The following SMG9 variants were observed in gnomAD, a reference collection of about 807,000 sequenced individuals.
SMG9 encodes the protein SMG9 nonsense mediated mRNA decay factor, also known as nonsense-mediated mRNA decay factor SMG9.
SMG9 carries 55 observed loss-of-function variants against 64.0 expected under a neutral mutation model. The ratio of observed to expected loss-of-function variants is 0.86; its 90% CI spans 0.69 to 1.08. The LOEUF is 1.08. Ranked by LOEUF, SMG9 falls within the 50% of genes least tolerant of loss-of-function variation. The probability of loss-of-function intolerance (pLI) is 0.00; values close to 1 mark genes in which losing one functional copy is unlikely to be tolerated. For missense variants in SMG9, 554 were observed against 681.3 expected (o/e 0.81, Z 2.08); for synonymous variants, 244 against 254.8 (o/e 0.96, Z 0.41).
At position 43,747,489 on chromosome 19, in the gene SMG9, T is replaced by G; in HGVS notation, c.541A>C (p.Ile181Leu). 1 of 1,614,160 alleles carries G rather than the reference T, an allele frequency of 6.2e-7. No individual in the cohort carries two copies. The highest frequency in any genetic ancestry group is 8.5e-7 in the Non-Finnish European group (1 of 1,180,038). The change falls in exon 5 of 14, where the codon ATC (isoleucine) becomes CTC (leucine). Residue 181 changes from isoleucine (I) to leucine (L), a missense_variant. Ile to Leu is a conservative substitution (Grantham distance 5). Transcript: ENST00000270066. The stretch of plus-strand genomic sequence containing the variant: ...TTCATCTGGTCATCCACCAACTTGA[T>G]GCTGTGCTTCATGCGCTCTGGGGGC... ...LLPPERMKHS[I>L]KLVDDQMNWC...
intron 6 of SMG9, among the ~76,000 whole-genome samples, chr19:43,741,845 T>C (rs1442831651): frequency 6.6e-6 from 1 of 151,932 alleles, no homozygotes; most frequent in Non-Finnish European, 1.5e-5. Context: ...ACCTCATCTC[T>C]ACAAAAAATA....
intron 1 of SMG9, among the ~76,000 whole-genome samples, chr19:43,752,343 G>C (rs1468933266): frequency 6.6e-6 from 1 of 152,242 alleles, no homozygotes; most frequent in South Asian, 2.1e-4. Flanking sequence ...CATCAGTCTA[G>C]GGTGGTATTT....
intron 6 of SMG9, among the ~76,000 whole-genome samples, chr19:43,743,933 T>C (rs951504677): frequency 1.3e-5 from 2 of 152,234 alleles, no homozygotes; most frequent in African/African-American, 4.8e-5. Flanking sequence ...AACTTCAACA[T>C]GTCTCTGTTC....
intron 8 of SMG9, 114 bp from the exon 9 acceptor site, chr19:43,737,796 G>A: frequency 6.2e-6 from 6 of 967,126 alleles, no homozygotes; most frequent in Non-Finnish European, 9.5e-6. Flanking sequence ...CCTTCAAGCA[G>A]CTACTGTGTG....
Position 43,747,747 on chromosome 19 carries a change from G to C in SMG9, c.376C>G (p.Pro126Ala), listed in dbSNP as rs753092840. 1.2e-6 allele frequency: 2 copies of C among 1,610,290 alleles called. No homozygotes were observed. The highest frequency in any genetic ancestry group is 2.7e-5 in the African/African-American group (2 of 75,036). Residue 126 changes from proline (P) to alanine (A), a missense_variant, in exon 4 of 14, where the codon CCC (proline) becomes GCC (alanine). Transcript: ENST00000270066. ...TTGGGTGGCGCAGGGGCTGCAGGGG[G>C]TGGTGGGGCGGTGCCCTCAGGGGTA... is the stretch of plus-strand genomic sequence containing the variant. Reference protein sequence around the residue: ...ASTPEGTAPPPPAAPAPPKGE... With the variant: ...ASTPEGTAPPAPAAPAPPKGE...
chr19:43,734,361 C>A (rs1422432374), intron 10 of SMG9, 28 bp downstream of exon 10: 1 of 1,524,564 alleles, frequency 6.6e-7, no homozygotes, highest in African/African-American at 1.4e-5. Context: ...CTCCTGCCCA[C>A]CCCTCCAGTC....
chr19:43,736,233 T>TAC (rs1163067797), intron 9 of SMG9, among the ~76,000 whole-genome samples: 2 of 152,206 alleles, frequency 1.3e-5, no homozygotes, highest in East Asian at 3.8e-4. Context: ...TCACTGAATC[T>TAC]ACACAACATA....
At chr19:43,737,737 A>G in intron 8 of SMG9, 55 bp from the exon 9 acceptor site, 2 of 1,565,436 alleles carry the variant, frequency 1.3e-6, no homozygotes, top group Non-Finnish European at 1.8e-6. Context: ...CAGACTAATC[A>G]GGAGTCCCTG....
rs1182056582 is a variant in SMG9, at chr19:43,754,678, C to G, written c.-31G>C. 3 of 152,060 alleles carry G rather than the reference C, an allele frequency of 2.0e-5. No homozygotes were observed. Among genetic ancestry groups the G allele is most frequent in the Non-Finnish European group, 4.4e-5 (3 of 67,984 alleles). 9.4% of individuals were successfully genotyped at this position (152,060 alleles called of 1,614,324 possible). A position where few individuals can be genotyped will look rare whatever the true frequency, so the allele number is the denominator to read the frequency against. On this transcript the variant is annotated 5_prime_UTR_variant, in exon 1 of 14. Coordinates refer to ENST00000270066, the MANE Select transcript of SMG9 (RefSeq NM_019108.4). ...CCTAACGCGGCTGCTGATTGGTTCT[C>G]GGGGCGCGGTGTGCGCTCTCCCGTG...
rs1465300142 is a variant in SMG9 at position 43,750,622 on chromosome 19, G to GTCCC, written c.116_119dup (p.Asp40GlufsTer82). 3.1e-6 allele frequency: 5 copies of GTCCC among 1,613,698 alleles called. No individual in the cohort carries two copies. Among genetic ancestry groups the GTCCC allele is most frequent in the Non-Finnish European group, 4.2e-6 (5 of 1,179,876 alleles). ...TCTCTCTTTCCCATGGTGCAATGTA[G>GTCCC]TCCCTCTCCCGACCACCAGGCCCAG... On this transcript the variant is annotated frameshift_variant, in exon 2 of 14. Transcript: ENST00000270066. LOFTEE classifies it high-confidence loss of function.
chr19:43,735,603 A>G (rs1968634871), intron 9 of SMG9, among the ~76,000 whole-genome samples: 1 of 125,552 alleles, frequency 8.0e-6, no homozygotes, highest in Admixed American at 9.1e-5. Context: ...TAACAGAGTG[A>G]GACTCTGTCT....
In SMG9 at chr19:43,729,964, G is replaced by A. The variant is rs1220191778; in HGVS notation, c.*1632C>T. ...TGGGCCTCCTGTCTCCCAGGCCTCAGCCCTCTGTAGAGACTGGCATTCTAT... is the reference window on the plus strand; with the variant it reads ...TGGGCCTCCTGTCTCCCAGGCCTCAACCCTCTGTAGAGACTGGCATTCTAT... On this transcript the variant is annotated 3_prime_UTR_variant, in exon 14 of 14. Transcript: ENST00000270066. 2 of 152,266 alleles carry A rather than the reference G, an allele frequency of 1.3e-5. No individual in the cohort carries two copies. Among genetic ancestry groups the A allele is most frequent in the African/African-American group, 2.4e-5 (1 of 41,458 alleles). 9.4% of individuals were successfully genotyped at this position (152,266 alleles called of 1,614,324 possible). A position where few individuals can be genotyped will look rare whatever the true frequency, so the allele number is the denominator to read the frequency against.
At chr19:43,732,691 T>C (rs577688328) in intron 13 of SMG9, 167 bp downstream of exon 13, 3 of 757,312 alleles carry the variant, frequency 4.0e-6, no homozygotes, top group African/African-American at 1.8e-5. Flanking sequence ...TGTTGCCACA[T>C]GGGTGAGATG....
In SMG9 at chr19:43,750,761, G is replaced by A. The variant is rs903337010; in HGVS notation, c.-6-14C>T. ...AGACATGGTTACCTATGGAGGGAATGAGGGGATTTCAGGATGACAGAGTCT... is the reference window on the plus strand; with the variant it reads ...AGACATGGTTACCTATGGAGGGAATAAGGGGATTTCAGGATGACAGAGTCT... On this transcript the variant is annotated splice_polypyrimidine_tract_variant and intron_variant, in intron 1 of 13. Transcript: ENST00000270066. 4.4e-6 allele frequency: 7 copies of A among 1,596,532 alleles called. No homozygotes were observed. In the African/African-American group the frequency reaches 6.7e-5, roughly 15 times the overall value.
Position 43,733,734 on chromosome 19 carries a change from C to CT in SMG9, c.1103-2dup. ...CGGCGAGCTTTGTTCTGCAAGAAGA[C>CT]TGAGGGTGGGAAGAGACGGGCCCTG... On this transcript the variant is annotated splice_acceptor_variant, in intron 10 of 13. Coordinates refer to ENST00000270066, the MANE Select transcript of SMG9 (RefSeq NM_019108.4). LOFTEE classifies it high-confidence loss of function. 1 of 1,613,790 alleles carries CT rather than the reference C, an allele frequency of 6.2e-7. No homozygotes were observed. Among genetic ancestry groups the CT allele is most frequent in the Non-Finnish European group, 8.5e-7 (1 of 1,179,772 alleles).
chr19:43,735,583 C>T lies in SMG9; in HGVS notation c.996-1088G>A, dbSNP rs527593984. ...TGAGCCGAGATTGTGCCACTGCACT[C>T]CAGCCTGGGTAACAGAGTGAGACTC... On this transcript the variant is annotated intron_variant, in intron 9 of 13. Transcript: ENST00000270066. 2.9e-5 allele frequency among the ~76,000 whole-genome samples: 4 copies of T among 136,320 alleles called. No individual in the cohort carries two copies. The East Asian group carries it at 8.2e-4, about 28-fold the overall frequency. 89.4% of individuals were successfully genotyped at this position (136,320 alleles called of 152,430 possible).
At chr19:43,731,708 C>A in intron 13 of SMG9, 34 bp from the exon 14 acceptor site, 1 of 1,613,830 alleles carries the variant, frequency 6.2e-7, no homozygotes, top group East Asian at 2.2e-5. Flanking sequence ...GCTGCCTGGC[C>A]GGGGCTCCCC....
intron 8 of SMG9, 34 bp from the exon 9 acceptor site, chr19:43,737,716 C>T (rs1431673471): frequency 2.5e-6 from 4 of 1,602,580 alleles, no homozygotes; most frequent in African/African-American, 1.3e-5. Context: ...GAGGTGAGGA[C>T]CTCTTCTGCC....
At chr19:43,733,579 G>C in intron 11 of SMG9, 47 bp downstream of exon 11, 1 of 1,610,236 alleles carries the variant, frequency 6.2e-7, no homozygotes, top group South Asian at 1.1e-5. Flanking sequence ...GGTTGGATCA[G>C]GAATTAGGAG....
Sources: gnomAD v4.1 joint callset for allele counts (sites outside exome capture counted in the v4.1 genomes callset) on GRCh38, gnomAD v4.1.1 for gene constraint, MANE v1.5 for transcripts, NCBI Gene and HGNC (gene_info 2026-07-23, HGNC 2026-07-21) for gene names.